Variants in BBX observed in about 807,000 individuals in gnomAD.
The protein encoded by BBX is BBX high mobility group box domain containing.
In BBX, 30 loss-of-function variants were observed where a neutral mutation model predicts 100.2. That is an observed-to-expected ratio of 0.30 (90% CI 0.22 to 0.41). The LOEUF (loss-of-function observed/expected upper bound fraction) is 0.41, where lower values mean the gene tolerates loss of function less well. Ranked by LOEUF, BBX falls within the 10% of genes least tolerant of loss-of-function variation. The pLI is 1.00. For synonymous variants in BBX, 376 were observed against 388.1 expected (o/e 0.97, Z 0.37); for missense variants, 1,023 against 1,129.8 (o/e 0.91, Z 1.35).
At position 107,603,846 on chromosome 3, in the gene BBX, G is replaced by A. The variant is rs186920811; in HGVS notation, c.-83-41990G>A. On this transcript the variant is annotated intron_variant, in intron 2 of 17. Coordinates refer to ENST00000325805, the MANE Select transcript of BBX (RefSeq NM_001142568.3). ...AAAATATAAGATATTTTAAAATTTA[G>A]TGTGTACTTTTTTTTTTAGAAATAA... 3.3e-5 allele frequency among the ~76,000 whole-genome samples: 5 copies of A among 152,160 alleles called. No homozygotes were observed. The East Asian group carries it at 5.8e-4, about 18-fold the overall frequency.
chr3:107,677,145 A>G (rs1176986677), intron 3 of BBX, among the ~76,000 whole-genome samples: 1 of 152,086 alleles, frequency 6.6e-6, no homozygotes, highest in Non-Finnish European at 1.5e-5. Flanking sequence ...ATAGCATGAC[A>G]TTGGTAACCT....
At chr3:107,645,079 A>T (rs2057437041) in intron 2 of BBX, among the ~76,000 whole-genome samples, 1 of 152,180 alleles carries the variant, frequency 6.6e-6, no homozygotes, top group Non-Finnish European at 1.5e-5. Flanking sequence ...TAGAGCAGGG[A>T]ATTGCTTCTT....
intron 3 of BBX, among the ~76,000 whole-genome samples, chr3:107,679,396 G>A (rs2107979284): frequency 6.6e-6 from 1 of 152,212 alleles, no homozygotes; most frequent in African/African-American, 2.4e-5. Flanking sequence ...CTGGGCTTGA[G>A]TCGCATATTT....
chr3:107,627,313 C>G (rs945326161), intron 2 of BBX, among the ~76,000 whole-genome samples: 1 of 152,164 alleles, frequency 6.6e-6, no homozygotes, highest in African/African-American at 2.4e-5. Context: ...CAATTTCTGG[C>G]TGTTTCCCAA....
Position 107,749,117 on chromosome 3 carries a change from G to A in BBX, c.825+1078G>A, listed in dbSNP as rs145447880. ...CCATAGTATTTGCTTAGCTGCTGAGGGCTATTGTATAAAATTGGTAACAAA... is the reference window on the plus strand; with the variant it reads ...CCATAGTATTTGCTTAGCTGCTGAGAGCTATTGTATAAAATTGGTAACAAA... On this transcript the variant is annotated intron_variant, in intron 9 of 17. Transcript: ENST00000325805. Among the ~76,000 whole-genome samples, 412 of 152,042 alleles carry A rather than the reference G, an allele frequency of 2.7e-3. 3 individuals are homozygous for A. Among genetic ancestry groups the A allele is most frequent in the African/African-American group, 9.5e-3 (393 of 41,476 alleles).
At chr3:107,735,761 A>G (rs2063591887) in intron 7 of BBX, among the ~76,000 whole-genome samples, 1 of 152,046 alleles carries the variant, frequency 6.6e-6, no homozygotes, top group Non-Finnish European at 1.5e-5. Context: ...TAATTTCTTG[A>G]GATATCAATC....
chr3:107,598,981 C>T lies in BBX; in HGVS notation c.-83-46855C>T, dbSNP rs2053862545. On this transcript the variant is annotated intron_variant, in intron 2 of 17. Coordinates refer to ENST00000325805, the MANE Select transcript of BBX (RefSeq NM_001142568.3). ...GGGGCCCTCTGGCCCCAGGCAGTGA[C>T]CCTGGGGGAGGAAGGGGATATTAAC... Among the ~76,000 whole-genome samples the T allele has an allele frequency of 2.0e-5, 3 of 152,062 alleles. No individual in the cohort carries two copies. The South Asian group carries it at 6.2e-4, about 32-fold the overall frequency.
chr3:107,710,119 C>T (rs2061625914), intron 3 of BBX, among the ~76,000 whole-genome samples: 2 of 152,328 alleles, frequency 1.3e-5, no homozygotes, highest in South Asian at 4.1e-4. Flanking sequence ...AGTAAATACA[C>T]ACAGGTGAAG....
intron 5 of BBX, among the ~76,000 whole-genome samples, chr3:107,720,708 A>G (rs1421329585): frequency 6.6e-6 from 1 of 152,052 alleles, no homozygotes; most frequent in Non-Finnish European, 1.5e-5. Context: ...AAGTGTTGGT[A>G]TCTATTTTTG....
intron 13 of BBX, among the ~76,000 whole-genome samples, chr3:107,779,281 A>G (rs1237412761): frequency 6.6e-6 from 1 of 151,778 alleles, no homozygotes; most frequent in Non-Finnish European, 1.5e-5. Flanking sequence ...GCACTGGAGT[A>G]CTAAACATCT....
At position 107,806,015 on chromosome 3, in the gene BBX, C is replaced by G. The variant is rs1316310594; in HGVS notation, c.*558C>G. 1 of 151,848 alleles carries G rather than the reference C, an allele frequency of 6.6e-6. No homozygotes were observed. The highest frequency in any genetic ancestry group is 1.5e-5 in the Non-Finnish European group (1 of 68,070). 9.4% of individuals were successfully genotyped at this position (151,848 alleles called of 1,614,324 possible). ...GCCTGTTCCAGAGACTCCCAAGCAGCCTGGGCAGGCAGATGTACCATTGTT... is the reference window on the plus strand; with the variant it reads ...GCCTGTTCCAGAGACTCCCAAGCAGGCTGGGCAGGCAGATGTACCATTGTT... On this transcript the variant is annotated 3_prime_UTR_variant, in exon 18 of 18. Transcript: ENST00000325805.
chr3:107,567,519 G>T (rs886761959), intron 2 of BBX, among the ~76,000 whole-genome samples: 1 of 151,924 alleles, frequency 6.6e-6, no homozygotes, highest in African/African-American at 2.4e-5. Flanking sequence ...CTAAAGATTT[G>T]CTTCTTGATT....
At position 107,791,278 on chromosome 3, in the gene BBX, G is replaced by T. The variant is rs2068995434; in HGVS notation, c.2332G>T (p.Asp778Tyr). 1.9e-6 allele frequency: 3 copies of T among 1,613,102 alleles called. No individual in the cohort carries two copies. Among genetic ancestry groups the T allele is most frequent in the Non-Finnish European group, 1.7e-6 (2 of 1,179,456 alleles). Reference sequence around the variant, plus strand: ...ATGGTCAAACAAGCAACTCTTCTTGGATGCCATTCACCCTACAGAAGGTAA... The same window carrying T: ...ATGGTCAAACAAGCAACTCTTCTTGTATGCCATTCACCCTACAGAAGGTAA... The part of the protein sequence containing the change: ...DKWSNKQLFL[D>Y]AIHPTEAIFS... The change falls in exon 15 of 18, where the codon GAT becomes TAT. Residue 778 changes from aspartate (D) to tyrosine (Y), a missense_variant. Asp to Tyr is a radical substitution (Grantham distance 160, BLOSUM62 -3). This residue lies in a region of BBX where 215 missense variants were observed against 211.3 expected (regional missense o/e 1.02). Coordinates refer to ENST00000325805, the MANE Select transcript of BBX (RefSeq NM_001142568.3).
At chr3:107,697,715 T>C (rs907943495) in intron 3 of BBX, among the ~76,000 whole-genome samples, 1 of 151,994 alleles carries the variant, frequency 6.6e-6, no homozygotes, top group South Asian at 2.1e-4. Context: ...TGAGCTGTGG[T>C]GGGCTCCACC....
intron 1 of BBX, chr3:107,524,554 G>C (rs1197438112): frequency 7.4e-6 from 1 of 135,768 alleles, no homozygotes; most frequent in Admixed American, 7.7e-5. Flanking sequence ...GATCATTTCT[G>C]CTAAATGAGG....
At position 107,562,098 on chromosome 3, in the gene BBX, C is replaced by G. The variant is rs561438292; in HGVS notation, c.-84+35700C>G. ...CATTTCCTATTCACATTTCCATGCA[C>G]TAAGCCATGGTTTCATGATTCATTC... On this transcript the variant is annotated intron_variant, in intron 2 of 17. Coordinates refer to ENST00000325805, the MANE Select transcript of BBX (RefSeq NM_001142568.3). 6.6e-5 allele frequency among the ~76,000 whole-genome samples: 10 copies of G among 152,340 alleles called. No individual in the cohort carries two copies. The East Asian group carries it at 1.9e-3, about 29-fold the overall frequency.
intron 3 of BBX, among the ~76,000 whole-genome samples, chr3:107,647,074 C>A (rs543605966): frequency 6.6e-6 from 1 of 152,100 alleles, no homozygotes; most frequent in Non-Finnish European, 1.5e-5. Flanking sequence ...ACTGTGCTAT[C>A]CTTCAAGGCA....
chr3:107,568,487 A>G (rs952571051), intron 2 of BBX, among the ~76,000 whole-genome samples: 9 of 151,818 alleles, frequency 5.9e-5, no homozygotes, highest in African/African-American at 1.7e-4. Context: ...GATGGTTTTG[A>G]TCTCCTGACC....
intron 2 of BBX, among the ~76,000 whole-genome samples, chr3:107,528,920 A>G (rs1251464808): frequency 6.6e-6 from 1 of 152,222 alleles, no homozygotes; most frequent in African/African-American, 2.4e-5. Flanking sequence ...GAACATGGGT[A>G]AAAGCAAGGG....
Sources: allele counts gnomAD v4.1 joint callset (sites outside exome capture counted in the v4.1 genomes callset), GRCh38; gene constraint gnomAD v4.1.1; regional missense constraint gnomAD v4.1.1; transcripts MANE v1.5; gene names NCBI Gene and HGNC (gene_info 2026-07-23, HGNC 2026-07-21).